The following KIFAP3 variants were observed in gnomAD, a reference collection of about 807,000 sequenced individuals.
The protein encoded by KIFAP3 is kinesin associated protein 3.
A neutral mutation model predicts 106.5 loss-of-function variants in KIFAP3; 68 were observed. The observed-to-expected ratio is 0.64, with a 90% CI of 0.53 to 0.78. KIFAP3 has a LOEUF of 0.78. Ranked by LOEUF, KIFAP3 falls within the 30% of genes least tolerant of loss-of-function variation. The pLI, the probability that KIFAP3 is intolerant of heterozygous loss-of-function variation, is 0.00. For missense variants in KIFAP3, 780 were observed against 941.8 expected (o/e 0.83, Z 2.25); for synonymous variants, 320 against 311.5 (o/e 1.03, Z -0.29).
chr1:170,018,988 A>C (rs1034729171), intron 9 of KIFAP3, among the ~76,000 whole-genome samples: 1 of 152,148 alleles, frequency 6.6e-6, no homozygotes, highest in Non-Finnish European at 1.5e-5. Context: ...ATAAACCACT[A>C]ATCTAGAAAA....
At chr1:169,971,298 ATATACTT>A (rs1468967706) in intron 17 of KIFAP3, among the ~76,000 whole-genome samples, 1 of 151,986 alleles carries the variant, frequency 6.6e-6, no homozygotes. Flanking sequence ...TTCTTATACT[ATATACTT>A]TATATGCAAC....
At chr1:170,002,597 T>C (rs549579406) in intron 10 of KIFAP3, among the ~76,000 whole-genome samples, 95 of 152,098 alleles carry the variant, frequency 6.2e-4, no homozygotes, top group Non-Finnish European at 1.2e-3. Context: ...GAACTCAGAA[T>C]CAAAATTTAA....
chr1:170,032,874 C>T (rs1237564236), intron 7 of KIFAP3, among the ~76,000 whole-genome samples: 6 of 151,654 alleles, frequency 4.0e-5, no homozygotes, highest in African/African-American at 7.2e-5. Context: ...TTCCTCTCCT[C>T]GCACTTAAAC....
At chr1:170,076,594 C>G (rs560804822), upstream of KIFAP3, among the ~76,000 whole-genome samples, 91 of 152,274 alleles carry the variant, frequency 6.0e-4, no homozygotes, top group African/African-American at 2.1e-3. Flanking sequence ...TGCATCAGAT[C>G]TTTACTCTGA....
intron 17 of KIFAP3, among the ~76,000 whole-genome samples, chr1:169,968,963 A>G (rs74122452): frequency 0.018 from 2,758 of 152,084 alleles, 80 homozygotes; most frequent in African/African-American, 0.063. Flanking sequence ...TACGCAATAT[A>G]AAGATGAACT....
chr1:170,024,615 T>C lies in KIFAP3; in HGVS notation c.842-19A>G. 1 of 1,449,834 alleles carries C rather than the reference T, an allele frequency of 6.9e-7. No individual in the cohort carries two copies. Among genetic ancestry groups the C allele is most frequent in the African/African-American group, 1.4e-5 (1 of 69,368 alleles). The allele number at this position is 1,449,834 out of a possible 1,614,324, so 89.8% of individuals were successfully genotyped here. ...AGAGCAACTAGAAAAGTAAAATATA[T>C]GAGAGATAAAGAATTAGTATACTGA... On this transcript the variant is annotated intron_variant, in intron 8 of 19. Coordinates refer to ENST00000361580, the MANE Select transcript of KIFAP3 (RefSeq NM_014970.4).
intron 17 of KIFAP3, among the ~76,000 whole-genome samples, chr1:169,971,817 C>A (rs11807267): frequency 6.6e-6 from 1 of 151,782 alleles, no homozygotes; most frequent in Admixed American, 6.6e-5. Context: ...AAGAAAGCAA[C>A]GTGGTTGTGC....
intron 10 of KIFAP3, among the ~76,000 whole-genome samples, chr1:170,012,110 T>A (rs1156393461): frequency 6.6e-6 from 1 of 152,092 alleles, no homozygotes; most frequent in African/African-American, 2.4e-5. Flanking sequence ...TCAAATAAGT[T>A]CAGTTGTCAG....
intron 16 of KIFAP3, among the ~76,000 whole-genome samples, chr1:169,973,001 G>A (rs1034321966): frequency 6.7e-6 from 1 of 149,974 alleles, no homozygotes; most frequent in Non-Finnish European, 1.5e-5. Flanking sequence ...ACTAACAAGA[G>A]AGATTCATGG....
chr1:170,068,589 T>C (rs1671557719), intron 1 of KIFAP3: 1 of 151,084 alleles, frequency 6.6e-6, no homozygotes, highest in Admixed American at 6.6e-5. Flanking sequence ...GAACACCATC[T>C]AGTATACCAA....
chr1:169,982,338 T>G (rs1666567759), intron 14 of KIFAP3, among the ~76,000 whole-genome samples: 1 of 152,052 alleles, frequency 6.6e-6, no homozygotes, highest in Admixed American at 6.6e-5. Context: ...TACAACTGAA[T>G]GACAACATAG....
chr1:170,011,467 ACATAT>A (rs142836629), intron 10 of KIFAP3, among the ~76,000 whole-genome samples: 9,529 of 151,834 alleles, frequency 0.063, 376 homozygotes, highest in Non-Finnish European at 0.095. Context: ...TTGTTTAATT[ACATAT>A]ATTAAACAAA....
chr1:170,059,642 G>C (rs1671031014), intron 1 of KIFAP3, among the ~76,000 whole-genome samples: 1 of 152,132 alleles, frequency 6.6e-6, no homozygotes, highest in African/African-American at 2.4e-5. Flanking sequence ...CAGAAAAAGA[G>C]GGAATCCTCC....
intron 19 of KIFAP3, among the ~76,000 whole-genome samples, chr1:169,935,619 A>G (rs1180536543): frequency 1.3e-5 from 2 of 152,068 alleles, no homozygotes; most frequent in Non-Finnish European, 2.9e-5. Flanking sequence ...AAGTGTATTC[A>G]AAAGACTATT....
At position 169,921,502 on chromosome 1, in the gene KIFAP3, A is replaced by G. The variant is rs1662821354; in HGVS notation, c.*174T>C. ...AGTGAACAATGTCAGTATCAACTGTACTTAACAGAAGACAGAGGGGCTGGG... is the reference window on the plus strand; with the variant it reads ...AGTGAACAATGTCAGTATCAACTGTGCTTAACAGAAGACAGAGGGGCTGGG... On this transcript the variant is annotated 3_prime_UTR_variant, in exon 20 of 20. Coordinates refer to ENST00000361580, the MANE Select transcript of KIFAP3 (RefSeq NM_014970.4). 3 of 548,514 alleles carry G rather than the reference A, an allele frequency of 5.5e-6. No homozygotes were observed. Among genetic ancestry groups the G allele is most frequent in the Non-Finnish European group, 9.8e-6 (3 of 305,302 alleles). The allele number at this position is 548,514 out of a possible 1,614,324, so 34.0% of individuals were successfully genotyped here. A position where few individuals can be genotyped will look rare whatever the true frequency, so the allele number is the denominator to read the frequency against.
At chr1:169,954,433 C>G (rs973226525) in intron 18 of KIFAP3, among the ~76,000 whole-genome samples, 2 of 151,866 alleles carry the variant, frequency 1.3e-5, no homozygotes, top group African/African-American at 4.8e-5. Context: ...GGAAGGGAAG[C>G]AAGGTGGGGA....
intron 15 of KIFAP3, among the ~76,000 whole-genome samples, chr1:169,979,978 G>T (rs1010767596): frequency 6.6e-6 from 1 of 152,022 alleles, no homozygotes; most frequent in African/African-American, 2.4e-5. Context: ...CAACATAGAT[G>T]AATGTCACAA....
chr1:169,987,054 TAA>T (rs1666862749), intron 11 of KIFAP3, among the ~76,000 whole-genome samples: 1 of 152,032 alleles, frequency 6.6e-6, no homozygotes, highest in Admixed American at 6.6e-5. Flanking sequence ...TTTTTCATAA[TAA>T]GAGAGATAAA....
chr1:170,017,301 T>G (rs557880337), intron 9 of KIFAP3, among the ~76,000 whole-genome samples: 2 of 115,226 alleles, frequency 1.7e-5, no homozygotes, highest in Non-Finnish European at 3.7e-5. Flanking sequence ...GAATGAATAA[T>G]GAAAATACAA....
Sources: allele counts gnomAD v4.1 joint callset (sites outside exome capture counted in the v4.1 genomes callset), GRCh38; gene constraint gnomAD v4.1.1; transcripts MANE v1.5; gene names NCBI Gene and HGNC (gene_info 2026-07-23, HGNC 2026-07-21).